PDE3B: variants seen among roughly 807,000 people sequenced by gnomAD.
PDE3B encodes the protein cGMP-inhibited 3',5'-cyclic phosphodiesterase 3B.
A neutral mutation model predicts 116.8 loss-of-function variants in PDE3B; 66 were observed. The observed-to-expected ratio is 0.56, with a 90% CI of 0.46 to 0.69. The LOEUF is 0.69. Ranked by LOEUF, PDE3B falls within the 30% of genes least tolerant of loss-of-function variation. The pLI is 0.00. For synonymous variants in PDE3B, 595 were observed against 533.6 expected, an observed-to-expected ratio of 1.12 and a Z score of -1.59; for missense variants, 1,384 against 1,368.1, an observed-to-expected ratio of 1.01 and a Z score of -0.18.
At chr11:14,807,232 T>C (rs1241963522) in intron 5 of PDE3B, among the ~76,000 whole-genome samples, 1 of 152,292 alleles carries the variant, frequency 6.6e-6, no homozygotes, top group African/African-American at 2.4e-5. Flanking sequence ...ATTGTGCACA[T>C]GTACCCTAGA....
intron 10 of PDE3B, among the ~76,000 whole-genome samples, chr11:14,834,656 A>G (rs978336471): frequency 6.6e-6 from 1 of 152,364 alleles, no homozygotes; most frequent in Admixed American, 6.5e-5. Context: ...TTTGTGTGCA[A>G]ACATGGGTCT....
rs867142349 is a variant in PDE3B at position 14,846,289 on chromosome 11, T to C, written c.2520+2263T>C. Among the ~76,000 whole-genome samples the C allele has an allele frequency of 2.1e-3, 318 of 152,210 alleles. 1 individual carries two copies. The highest frequency in any genetic ancestry group is 6.7e-3 in the African/African-American group (277 of 41,524). On this transcript the variant is annotated intron_variant, in intron 12 of 15. Coordinates refer to ENST00000282096, the MANE Select transcript of PDE3B (RefSeq NM_000922.4). ...AAATACTTTACAGACAAGCAAATGC[T>C]GAGAGATTTTGTCACCACCAGGCCT...
chr11:14,830,877 T>TTCACCTTAACATAATC, intron 8 of PDE3B, 31 bp downstream of exon 8: 1 of 1,415,624 alleles, frequency 7.1e-7, no homozygotes, highest in Non-Finnish European at 9.4e-7. Flanking sequence ...ATGATTATGT[T>TTCACCTTAACATAATC]AAGGTGAAAT....
At chr11:14,840,699 T>C (rs1860194627) in intron 11 of PDE3B, among the ~76,000 whole-genome samples, 1 of 152,158 alleles carries the variant, frequency 6.6e-6, no homozygotes, top group African/African-American at 2.4e-5. Context: ...AAGGTATCTT[T>C]TGAAAGGTAA....
the PDE3B span, among the ~76,000 whole-genome samples, chr11:14,889,546 G>A: frequency 6.6e-6 from 1 of 151,892 alleles, no homozygotes; most frequent in Non-Finnish European, 1.5e-5. Context: ...TTTTTCCTCT[G>A]CCCCATTGCA....
chr11:14,679,194 T>C (rs1366234544), intron 1 of PDE3B, among the ~76,000 whole-genome samples: 1 of 152,168 alleles, frequency 6.6e-6, no homozygotes, highest in Non-Finnish European at 1.5e-5. Flanking sequence ...TTTTTTTCAA[T>C]ATTGTTTGAC....
intron 1 of PDE3B, among the ~76,000 whole-genome samples, chr11:14,762,317 T>C (rs1212181735): frequency 6.6e-6 from 1 of 152,182 alleles, no homozygotes; most frequent in Non-Finnish European, 1.5e-5. Context: ...AATTCCTTAA[T>C]GCATATTTTA....
At chr11:14,760,516 G>C (rs570597275) in intron 1 of PDE3B, among the ~76,000 whole-genome samples, 2 of 152,260 alleles carry the variant, frequency 1.3e-5, no homozygotes, top group African/African-American at 4.8e-5. Context: ...CATATGTGCT[G>C]CCAGCCTAAT....
At chr11:14,882,254 AAGAC>A in the PDE3B span, among the ~76,000 whole-genome samples, 4 of 152,180 alleles carry the variant, frequency 2.6e-5, no homozygotes, top group Non-Finnish European at 2.9e-5. Flanking sequence ...ACTAGTAGGA[AAGAC>A]AGACAAAACA....
At chr11:14,803,339 G>GT (rs1858827609) in intron 4 of PDE3B, among the ~76,000 whole-genome samples, 1 of 152,182 alleles carries the variant, frequency 6.6e-6, no homozygotes. Context: ...CTTACTGCTT[G>GT]TTTTTTGCCT....
chr11:14,829,377 G>T (rs1212096270), intron 7 of PDE3B, among the ~76,000 whole-genome samples: 1 of 152,080 alleles, frequency 6.6e-6, no homozygotes, highest in Non-Finnish European at 1.5e-5. Flanking sequence ...GTAGTATTTA[G>T]ATTTGAATCC....
downstream of PDE3B, among the ~76,000 whole-genome samples, chr11:14,872,754 G>A (rs1259529888): frequency 6.6e-6 from 1 of 152,142 alleles, no homozygotes; most frequent in African/African-American, 2.4e-5. Context: ...TATGGAACCT[G>A]CAGATACAAA....
chr11:14,730,853 G>C (rs1297521606), intron 1 of PDE3B, among the ~76,000 whole-genome samples: 1 of 152,148 alleles, frequency 6.6e-6, no homozygotes, highest in Non-Finnish European at 1.5e-5. Flanking sequence ...CTGTCACTCT[G>C]TCATCATCAT....
At chr11:14,671,848 C>T (rs1045000733) in intron 1 of PDE3B, among the ~76,000 whole-genome samples, 2 of 151,408 alleles carry the variant, frequency 1.3e-5, no homozygotes, top group African/African-American at 4.9e-5. Context: ...GGCAACATAG[C>T]AAGACTCTGT....
intron 7 of PDE3B, among the ~76,000 whole-genome samples, chr11:14,824,142 C>G (rs995504766): frequency 1.3e-5 from 2 of 152,126 alleles, no homozygotes; most frequent in Admixed American, 1.3e-4. Flanking sequence ...ACACGCTGTC[C>G]CTGTCAGACC....
chr11:14,774,589 C>A (rs1857731630), intron 2 of PDE3B: 1 of 152,206 alleles, frequency 6.6e-6, no homozygotes, highest in African/African-American at 2.4e-5. Flanking sequence ...CACTCCTCTT[C>A]TTTTTCAATA....
chr11:14,752,415 A>G (rs932465467), intron 1 of PDE3B, among the ~76,000 whole-genome samples: 3 of 152,174 alleles, frequency 2.0e-5, no homozygotes, highest in Non-Finnish European at 2.9e-5. Flanking sequence ...GGTTTAATCT[A>G]TCAAAGAAAA....
intron 1 of PDE3B, among the ~76,000 whole-genome samples, chr11:14,750,786 G>T (rs1182897968): frequency 6.6e-6 from 1 of 152,120 alleles, no homozygotes; most frequent in Non-Finnish European, 1.5e-5. Context: ...TTTTAGAAAG[G>T]AATACATTTT....
At chr11:14,686,159 G>A (rs2133800406) in intron 1 of PDE3B, among the ~76,000 whole-genome samples, 1 of 152,174 alleles carries the variant, frequency 6.6e-6, no homozygotes, top group East Asian at 1.9e-4. Context: ...AATTCTGCCT[G>A]GGTTTTAAAT....
Sources: gnomAD v4.1 joint callset for allele counts (sites outside exome capture counted in the v4.1 genomes callset) on GRCh38, gnomAD v4.1.1 for gene constraint, MANE v1.5 for transcripts, NCBI Gene and HGNC (gene_info 2026-07-23, HGNC 2026-07-21) for gene names.